The following FAT4 variants were observed in gnomAD, a reference collection of about 807,000 sequenced individuals.
The protein encoded by FAT4 is protocadherin Fat 4.
Under a neutral mutation model 303.9 loss-of-function variants are expected in FAT4, and 84 were observed. The ratio of observed to expected loss-of-function variants is 0.28; its 90% CI spans 0.23 to 0.33. The LOEUF is 0.33. Ranked by LOEUF, FAT4 falls within the 10% of genes least tolerant of loss-of-function variation. The probability of loss-of-function intolerance (pLI) is 1.00; values close to 1 mark genes in which losing one functional copy is unlikely to be tolerated. For synonymous variants in FAT4, 2,307 were observed against 2,298.8 expected (o/e 1.00, Z -0.10); for missense variants, 6,005 against 6,146.8 (o/e 0.98, Z 0.77).
chr4:125,469,670 T>C (rs1189371552), intron 12 of FAT4, among the ~76,000 whole-genome samples: 3 of 152,198 alleles, frequency 2.0e-5, no homozygotes, highest in Non-Finnish European at 2.9e-5. Flanking sequence ...TTTTGCAAGA[T>C]TGTAGCAGCT....
In FAT4 at chr4:125,326,248, G is replaced by A. The variant is rs191661517; in HGVS notation, c.5175+4662G>A. ...AATGATGGAGACATTTGTGAGGTCA[G>A]TTTTGGATACAAACGTTAGAAATGA... On this transcript the variant is annotated intron_variant, in intron 2 of 17. Transcript: ENST00000394329. Among the ~76,000 whole-genome samples the A allele has an allele frequency of 2.0e-5, 3 of 152,014 alleles. No homozygotes were observed. In the East Asian group the frequency reaches 5.8e-4, roughly 30 times the overall value.
chr4:125,487,118 A>G (rs1328665452), intron 16 of FAT4, among the ~76,000 whole-genome samples: 2 of 152,174 alleles, frequency 1.3e-5, no homozygotes, highest in African/African-American at 4.8e-5. Flanking sequence ...GTTTTGAGAA[A>G]TTAGGTATAC....
intron 10 of FAT4, among the ~76,000 whole-genome samples, chr4:125,454,743 G>T (rs1392279796): frequency 1.3e-5 from 2 of 152,186 alleles, no homozygotes; most frequent in Non-Finnish European, 2.9e-5. Flanking sequence ...TGAGGCAGAG[G>T]AATTGCTGGA....
intron 2 of FAT4, among the ~76,000 whole-genome samples, chr4:125,363,286 C>A (rs995580835): frequency 6.6e-6 from 1 of 151,368 alleles, no homozygotes; most frequent in Non-Finnish European, 1.5e-5. Context: ...TATATAATTT[C>A]TTAGTTTGAG....
intron 2 of FAT4, among the ~76,000 whole-genome samples, chr4:125,398,113 G>T (rs937274721): frequency 6.6e-6 from 1 of 151,980 alleles, no homozygotes. Flanking sequence ...TTTTTCTTAG[G>T]TGAGGAAGCA....
In FAT4 at chr4:125,408,767, G is replaced by T; in HGVS notation, c.5893G>T (p.Val1965Leu). ...TCTACCTGTGGGATCTACTGTTCTT[G>T]TGTTTAATGTTACTGATGCAGATGA... The part of the protein sequence containing the change: ...ENLPVGSTVL[V>L]FNVTDADDGI... Residue 1965 changes from valine to leucine, a missense_variant, in exon 5 of 18, where the codon GTG (valine) becomes TTG (leucine). By Grantham distance (32) the Val-to-Leu change is conservative. Coordinates refer to ENST00000394329, the MANE Select transcript of FAT4 (RefSeq NM_001291303.3). 1 of 1,561,006 alleles carries T rather than the reference G, an allele frequency of 6.4e-7. No homozygotes were observed. The highest frequency in any genetic ancestry group is 8.7e-7 in the Non-Finnish European group (1 of 1,152,332).
At chr4:125,428,607 G>A (rs572044785) in intron 7 of FAT4, among the ~76,000 whole-genome samples, 5 of 152,232 alleles carry the variant, frequency 3.3e-5, no homozygotes, top group South Asian at 2.1e-4. Context: ...GCTATTTTAT[G>A]TGAAAACTGA....
chr4:125,466,767 T>C (rs932032773), intron 11 of FAT4, among the ~76,000 whole-genome samples: 1 of 150,706 alleles, frequency 6.6e-6, no homozygotes, highest in Non-Finnish European at 1.5e-5. Flanking sequence ...TTAAAAATTA[T>C]GTATAATTTC....
At chr4:125,460,992 A>G (rs1421267524) in intron 10 of FAT4, among the ~76,000 whole-genome samples, 1 of 152,102 alleles carries the variant, frequency 6.6e-6, no homozygotes, top group Non-Finnish European at 1.5e-5. Context: ...ATACTTGAAG[A>G]ATCAGATTCT....
intron 10 of FAT4, among the ~76,000 whole-genome samples, chr4:125,462,912 A>G (rs1284120951): frequency 1.3e-5 from 2 of 152,034 alleles, no homozygotes; most frequent in Non-Finnish European, 2.9e-5. Context: ...AGTTGATTCA[A>G]TTTAACAAGA....
At chr4:125,395,124 T>C (rs1171952818) in intron 2 of FAT4, among the ~76,000 whole-genome samples, 1 of 152,118 alleles carries the variant, frequency 6.6e-6, no homozygotes, top group Non-Finnish European at 1.5e-5. Context: ...AACACTTATC[T>C]ATGCTAATGA....
Position 125,317,803 on chromosome 4 carries a change from T to A in FAT4, c.1392T>A (p.Phe464Leu), listed in dbSNP as rs767391145. ...ARSSVASLVIFVNDINDHPPV... is the reference protein window; with the variant it reads ...ARSSVASLVILVNDINDHPPV... ...CTTCTGTGGCAAGCCTGGTGATTTT[T>A]GTTAATGACATCAATGACCATCCTC... The change falls in exon 2 of 18, where the codon TTT (phenylalanine) becomes TTA (leucine). Residue 464 changes from phenylalanine to leucine, a missense_variant. Phe to Leu is a conservative substitution (Grantham distance 22, BLOSUM62 0). Coordinates refer to ENST00000394329, the MANE Select transcript of FAT4 (RefSeq NM_001291303.3). This position sits in a 1 kb window ranked among gnomAD's most constrained non-coding sequence, Gnocchi z 7.0. 2 of 1,614,194 alleles carry A rather than the reference T, an allele frequency of 1.2e-6. No individual in the cohort carries two copies. Among genetic ancestry groups the A allele is most frequent in the East Asian group, 4.5e-5 (2 of 44,866 alleles).
At chr4:125,399,111 G>T (rs1338379619) in intron 3 of FAT4, among the ~76,000 whole-genome samples, 196 bp downstream of exon 3, 1 of 152,012 alleles carries the variant, frequency 6.6e-6, no homozygotes, top group Non-Finnish European at 1.5e-5. Flanking sequence ...ATTTTCCTCT[G>T]ATCAGCAATC....
chr4:125,477,354 T>A lies in FAT4; in HGVS notation c.12479+20T>A, dbSNP rs376704074. The A allele has an allele frequency of 6.5e-7, 1 of 1,528,202 alleles. No homozygotes were observed. The allele number at this position is 1,528,202 out of a possible 1,614,324, so 94.7% of individuals were successfully genotyped here. A position where few individuals can be genotyped will look rare whatever the true frequency, so the allele number is the denominator to read the frequency against. On this transcript the variant is annotated intron_variant, in intron 14 of 17. Transcript: ENST00000394329. ...AGATCAGTATGGCGATTTTATTTCT[T>A]ACTGTTTTAAAGAAAAAAAATGCAA...
chr4:125,438,763 A>G (rs1003777908), intron 8 of FAT4, among the ~76,000 whole-genome samples: 3 of 152,160 alleles, frequency 2.0e-5, no homozygotes, highest in African/African-American at 7.2e-5. Context: ...AATGGAATAT[A>G]ATGTATTTTA....
intron 2 of FAT4, among the ~76,000 whole-genome samples, chr4:125,345,754 T>C (rs1394765345): frequency 3.3e-5 from 5 of 152,068 alleles, no homozygotes. Flanking sequence ...AATACAGATT[T>C]ACCCTTAAAA....
chr4:125,418,368 G>T (rs1392903847), intron 7 of FAT4, among the ~76,000 whole-genome samples: 1 of 152,056 alleles, frequency 6.6e-6, no homozygotes, highest in Non-Finnish European at 1.5e-5. Context: ...ACCACTAAAT[G>T]TTTCAATGTG....
chr4:125,386,116 G>T (rs1733739435), intron 2 of FAT4, among the ~76,000 whole-genome samples: 1 of 152,108 alleles, frequency 6.6e-6, no homozygotes, highest in African/African-American at 2.4e-5. Flanking sequence ...GCGTGTGTGT[G>T]TAACAATAAA....
intron 9 of FAT4, among the ~76,000 whole-genome samples, chr4:125,446,782 C>G (rs1401909908): frequency 6.6e-6 from 1 of 151,690 alleles, no homozygotes; most frequent in Non-Finnish European, 1.5e-5. Flanking sequence ...ATTATTATTT[C>G]TTAATATTAC....
Sources: allele counts gnomAD v4.1 joint callset (sites outside exome capture counted in the v4.1 genomes callset), GRCh38; gene constraint gnomAD v4.1.1; non-coding constraint Gnocchi (gnomAD v3.1); transcripts MANE v1.5; gene names NCBI Gene and HGNC (gene_info 2026-07-23, HGNC 2026-07-21).